The following SHISA7 variants were observed in gnomAD, a reference collection of about 807,000 sequenced individuals.
SHISA7 encodes the protein protein shisa-7.
A neutral mutation model predicts 23.9 loss-of-function variants in SHISA7; 6 were observed. The ratio of observed to expected loss-of-function variants is 0.25; its 90% CI spans 0.14 to 0.50. The LOEUF is 0.50. Among genes scored for constraint, SHISA7 ranks in the 20% least tolerant of loss-of-function variants. The pLI is 0.98. For synonymous variants in SHISA7, 386 were observed against 398.3 expected (o/e 0.97, Z 0.37); for missense variants, 671 against 801.1 (o/e 0.84, Z 1.96).
rs1985280157 is a variant in SHISA7 at position 55,433,850 on chromosome 19, C to T, written c.977-54G>A. 2.2e-6 allele frequency: 3 copies of T among 1,350,310 alleles called. No homozygotes were observed. In the South Asian group the frequency reaches 5.3e-5, roughly 24 times the overall value. 83.6% of individuals were successfully genotyped at this position (1,350,310 alleles called of 1,614,324 possible). On this transcript the variant is annotated intron_variant, in intron 3 of 3. Coordinates refer to ENST00000376325, the MANE Select transcript of SHISA7 (RefSeq NM_001145176.2). This position sits in a 1 kb window ranked among gnomAD's most constrained non-coding sequence, Gnocchi z 8.4. ...CGTGGGTCCCCTGCGCATCTAGAGCCCTCCCCCTCCCACCTCGTCACATCC... is the reference window on the plus strand; with the variant it reads ...CGTGGGTCCCCTGCGCATCTAGAGCTCTCCCCCTCCCACCTCGTCACATCC...
chr19:55,439,093 A>AT (rs1288548714), intron 2 of SHISA7, among the ~76,000 whole-genome samples: 1 of 151,992 alleles, frequency 6.6e-6, no homozygotes, highest in African/African-American at 2.4e-5. Flanking sequence ...CAGCCTTCCC[A>AT]TTGGCTCACC....
intron 3 of SHISA7, among the ~76,000 whole-genome samples, chr19:55,435,776 A>G (rs2123351943): frequency 6.6e-6 from 1 of 151,632 alleles, no homozygotes. Flanking sequence ...TAAAAAAAAA[A>G]AAAAGGATCC....
At position 55,435,581 on chromosome 19, in the gene SHISA7, C is replaced by T. The variant is rs143832272; in HGVS notation, c.977-1785G>A. ...CGACCTGGGCAATATAGTGAGACTC[C>T]ATCTCTACAAAAAAAAAAAAAAAAA... On this transcript the variant is annotated intron_variant, in intron 3 of 3. Transcript: ENST00000376325. Among the ~76,000 whole-genome samples, 727 of 115,760 alleles carry T rather than the reference C, an allele frequency of 6.3e-3. 8 individuals carry two copies. Among genetic ancestry groups the T allele is most frequent in the East Asian group, 0.03 (114 of 3,780 alleles). The allele number at this position is 115,760 out of a possible 152,430, so 75.9% of individuals were successfully genotyped here.
In SHISA7 at chr19:55,433,845, A is replaced by G; in HGVS notation, c.977-49T>C. 1.5e-6 allele frequency: 2 copies of G among 1,355,440 alleles called. No individual in the cohort carries two copies. The highest frequency in any genetic ancestry group is 1.7e-5 in the South Asian group (1 of 57,474). The allele number at this position is 1,355,440 out of a possible 1,614,324, so 84.0% of individuals were successfully genotyped here. ...ACAGCCGTGGGTCCCCTGCGCATCT[A>G]GAGCCCTCCCCCTCCCACCTCGTCA... On this transcript the variant is annotated intron_variant, in intron 3 of 3. Coordinates refer to ENST00000376325, the MANE Select transcript of SHISA7 (RefSeq NM_001145176.2). The surrounding 1 kb of genome is among the most constrained non-coding windows in gnomAD (Gnocchi z 8.4).
Position 55,438,637 on chromosome 19 carries a change from C to T in SHISA7, c.827-883G>A, listed in dbSNP as rs777823184. The T allele has an allele frequency of 2.5e-5, 33 of 1,303,936 alleles. No homozygotes were observed. In the East Asian group the frequency reaches 3.3e-4, roughly 13 times the overall value. 80.8% of individuals were successfully genotyped at this position (1,303,936 alleles called of 1,614,324 possible). A position where few individuals can be genotyped will look rare whatever the true frequency, so the allele number is the denominator to read the frequency against. On this transcript the variant is annotated intron_variant, in intron 2 of 3. Transcript: ENST00000376325. ...TGTGGTGCAGATTATCTGGGGGGACCGAGAAGGGAGATGATGTCACTGCCA... is the reference window on the plus strand; with the variant it reads ...TGTGGTGCAGATTATCTGGGGGGACTGAGAAGGGAGATGATGTCACTGCCA...
At chr19:55,435,226 ATGTGTGTG>A (rs746948100) in intron 3 of SHISA7, among the ~76,000 whole-genome samples, 1 of 62,392 alleles carries the variant, frequency 1.6e-5, no homozygotes, top group Non-Finnish European at 3.0e-5. Flanking sequence ...GTGTGTGTGT[ATGTGTGTG>A]TGCGTGTGTG....
intron 2 of SHISA7, chr19:55,438,586 G>T (rs1314895104): frequency 7.7e-7 from 1 of 1,304,196 alleles, no homozygotes; most frequent in Admixed American, 2.3e-5. Context: ...GGTGCTTGGG[G>T]CTGTTGACGT....
intron 1 of SHISA7, among the ~76,000 whole-genome samples, chr19:55,441,028 C>T (rs1443527206): frequency 1.3e-5 from 2 of 152,118 alleles, no homozygotes; most frequent in African/African-American, 4.8e-5. Context: ...TCCCTGTGGG[C>T]TCGCCCCACC....
intron 2 of SHISA7, chr19:55,438,545 G>A (rs1363318494): frequency 2.6e-5 from 34 of 1,304,040 alleles, no homozygotes; most frequent in Admixed American, 1.1e-4. Context: ...TTCCGCAGCC[G>A]GGCCCTCTTC....
chr19:55,442,390 C>T lies in SHISA7; in HGVS notation c.474G>A (p.Gly158=). 1 of 1,359,166 alleles carries T rather than the reference C, an allele frequency of 7.4e-7. No homozygotes were observed. The highest frequency in any genetic ancestry group is 9.4e-7 in the Non-Finnish European group (1 of 1,063,294). The allele number at this position is 1,359,166 out of a possible 1,614,324, so 84.2% of individuals were successfully genotyped here. The part of the protein sequence containing the change: ...GGAGGAGGGP[G]PGQAGWLEGG... ...CTTCCAACCACCCGGCCTGGCCGGG[C>T]CCTGGCCCCCCGCCCGCACCCCCAG... Residue 158 remains glycine (G), a synonymous_variant, in exon 1 of 4, where the codon GGG becomes GGA. Coordinates refer to ENST00000376325, the MANE Select transcript of SHISA7 (RefSeq NM_001145176.2).
Position 55,442,190 on chromosome 19 carries a change from C to A in SHISA7, c.671+3G>T. ...CAGTCCTCCCGCCCGAGAGCACACGCACCTGGGCACGTTGATATCCCGGTG... is the reference window on the plus strand; with the variant it reads ...CAGTCCTCCCGCCCGAGAGCACACGAACCTGGGCACGTTGATATCCCGGTG... On this transcript the variant is annotated splice_donor_region_variant and intron_variant, in intron 1 of 3. Coordinates refer to ENST00000376325, the MANE Select transcript of SHISA7 (RefSeq NM_001145176.2). The A allele has an allele frequency of 6.5e-7, 1 of 1,532,844 alleles. No homozygotes were observed. The highest frequency in any genetic ancestry group is 8.7e-7 in the Non-Finnish European group (1 of 1,145,124). 95.0% of individuals were successfully genotyped at this position (1,532,844 alleles called of 1,614,324 possible).
At chr19:55,438,756 C>T in intron 2 of SHISA7, 1 of 585,256 alleles carries the variant, frequency 1.7e-6, no homozygotes, top group Non-Finnish European at 2.8e-6. Flanking sequence ...TAGAGCTCCA[C>T]AGATCAACCC....
intron 2 of SHISA7, among the ~76,000 whole-genome samples, chr19:55,438,003 G>A (rs1428324607): frequency 9.3e-5 from 9 of 96,278 alleles, no homozygotes; most frequent in African/African-American, 2.6e-4. Flanking sequence ...GTCCAGGCCT[G>A]CAGCCCCTCC....
intron 1 of SHISA7, 23 bp from the exon 2 acceptor site, chr19:55,440,788 C>A: frequency 8.1e-7 from 1 of 1,238,330 alleles, no homozygotes. Flanking sequence ...GAGAGGTGGT[C>A]AAAGGCCTGG....
intron 2 of SHISA7, 35 bp from the exon 3 acceptor site, chr19:55,437,789 CT>C: frequency 6.5e-7 from 1 of 1,534,760 alleles, no homozygotes; most frequent in Non-Finnish European, 8.8e-7. Flanking sequence ...GGTCAGTCAG[CT>C]TCCTCCCTCA....
Position 55,442,750 on chromosome 19 carries a change from C to G in SHISA7, c.114G>C (p.Ala38=). ...GCGCCCCGGTCAGGCGCCGCAGGTG[C>G]GCCAGCAGGGCGGGCAGCGGGCCCG... is the stretch of plus-strand genomic sequence containing the variant. ...EPAGPLPALL[A]HLRRLTGALT... is the part of the protein sequence containing the mutation. The change falls in exon 1 of 4, where the codon GCG becomes GCC. Residue 38 remains alanine, a synonymous_variant. Transcript: ENST00000376325. The G allele has an allele frequency of 8.8e-7, 1 of 1,130,172 alleles. No individual in the cohort carries two copies. Among genetic ancestry groups the G allele is most frequent in the Non-Finnish European group, 1.1e-6 (1 of 923,644 alleles). The allele number at this position is 1,130,172 out of a possible 1,614,324, so 70.0% of individuals were successfully genotyped here.
At chr19:55,434,506 ATG>A in intron 3 of SHISA7, among the ~76,000 whole-genome samples, 1 of 59,884 alleles carries the variant, frequency 1.7e-5, no homozygotes, top group East Asian at 6.4e-4. Flanking sequence ...TGTGGTGTGT[ATG>A]TGGTGTGTGT....
Position 55,433,589 on chromosome 19 carries a change from C to A in SHISA7, c.1184G>T (p.Arg395Leu), listed in dbSNP as rs763445222. Reference protein sequence around the residue: ...SQEHLLGDGGRSRYEFTLPRA... With the variant: ...SQEHLLGDGGLSRYEFTLPRA... ...CGGCAGCGTGAACTCGTAGCGCGAACGGCCACCATCGCCCAGCAGGTGCTC... is the reference window on the plus strand; with the variant it reads ...CGGCAGCGTGAACTCGTAGCGCGAAAGGCCACCATCGCCCAGCAGGTGCTC... Residue 395 changes from arginine (R) to leucine (L), a missense_variant, in exon 4 of 4, where the codon CGT (arginine) becomes CTT (leucine). Transcript: ENST00000376325. This position sits in a 1 kb window ranked among gnomAD's most constrained non-coding sequence, Gnocchi z 8.4. The A allele has an allele frequency of 6.7e-7, 1 of 1,498,588 alleles. No individual in the cohort carries two copies. Among genetic ancestry groups the A allele is most frequent in the South Asian group, 1.2e-5 (1 of 80,346 alleles). 92.8% of individuals were successfully genotyped at this position (1,498,588 alleles called of 1,614,324 possible). A position where few individuals can be genotyped will look rare whatever the true frequency, so the allele number is the denominator to read the frequency against.
At chr19:55,434,239 T>C (rs1985295251) in intron 3 of SHISA7, among the ~76,000 whole-genome samples, 1 of 152,090 alleles carries the variant, frequency 6.6e-6, no homozygotes, top group African/African-American at 2.4e-5. Context: ...TAAGTGTTGG[T>C]TCATAAAATT....
Sources: allele counts gnomAD v4.1 joint callset (sites outside exome capture counted in the v4.1 genomes callset), GRCh38; gene constraint gnomAD v4.1.1; non-coding constraint Gnocchi (gnomAD v3.1); transcripts MANE v1.5; gene names NCBI Gene and HGNC (gene_info 2026-07-23, HGNC 2026-07-21).